TGIF1: variants seen among roughly 807,000 people sequenced by gnomAD.
TGIF1 encodes homeobox protein TGIF1.
TGIF1 carries 4 observed loss-of-function variants against 19.3 expected under a neutral mutation model. The observed-to-expected ratio is 0.21, with a 90% CI of 0.10 to 0.47. TGIF1 has a LOEUF of 0.47. TGIF1 is among the 20% of genes least tolerant of loss of function. The pLI, the probability that TGIF1 is intolerant of heterozygous loss-of-function variation, is 0.98. For synonymous variants in TGIF1, 122 were observed against 129.3 expected, an observed-to-expected ratio of 0.94 and a Z score of 0.38; for missense variants, 275 against 341.4, an observed-to-expected ratio of 0.81 and a Z score of 1.53.
intron 2 of TGIF1, among the ~76,000 whole-genome samples, chr18:3,443,185 T>A (rs1771553103): frequency 6.6e-6 from 1 of 152,216 alleles, no homozygotes; most frequent in African/African-American, 2.4e-5. Context: ...CTGATGCGCG[T>A]ATTCTATCAG....
intron 1 of TGIF1, chr18:3,418,133 T>C (rs2082356697): frequency 6.6e-6 from 1 of 152,212 alleles, no homozygotes. Flanking sequence ...TTTGTGCTGC[T>C]GTTATCTAGG....
upstream of TGIF1, chr18:3,447,501 T>A (rs1251528497): frequency 4.9e-6 from 3 of 610,032 alleles, no homozygotes; most frequent in South Asian, 3.8e-5. Context: ...ATTGCTGGTA[T>A]CTGAAGCCCA....
At chr18:3,448,712 GGT>G (rs2082800052), upstream of TGIF1, 1 of 744,380 alleles carries the variant, frequency 1.3e-6, no homozygotes, top group South Asian at 6.0e-5. Context: ...TAGGGGCGGG[GGT>G]GTCTTTTTTT....
Position 3,451,383 on chromosome 18 carries a change from G to A in TGIF1, c.16+878G>A. The A allele has an allele frequency of 1.0e-6, 1 of 981,050 alleles. No individual in the cohort carries two copies. Among genetic ancestry groups the A allele is most frequent in the Non-Finnish European group, 1.2e-6 (1 of 829,602 alleles). 60.8% of individuals were successfully genotyped at this position (981,050 alleles called of 1,614,324 possible). Reference sequence around the variant, plus strand: ...GTGGAGAAACCACACAAAACACCCCGAAAGGTCAGAGTGTGAAGTCCCTTT... The same window carrying A: ...GTGGAGAAACCACACAAAACACCCCAAAAGGTCAGAGTGTGAAGTCCCTTT... On this transcript the variant is annotated intron_variant, in intron 1 of 2. Transcript: ENST00000343820. The surrounding 1 kb of genome is among the most constrained non-coding windows in gnomAD (Gnocchi z 5.4).
At position 3,459,408 on chromosome 18, in the gene TGIF1, A is replaced by G. The variant is rs2049456315; in HGVS notation, c.*1468A>G. 6.6e-6 allele frequency: 1 copy of G among 152,230 alleles called. No individual in the cohort carries two copies. Among genetic ancestry groups the G allele is most frequent in the South Asian group, 2.1e-4 (1 of 4,832 alleles). The allele number at this position is 152,230 out of a possible 1,614,324, so 9.4% of individuals were successfully genotyped here. ...CCAAGAGGCGTAAGAAAATTAGGTG[A>G]GGGAATGTTGTGCTCTAGCCTGTGG... On this transcript the variant is annotated 3_prime_UTR_variant, in exon 3 of 3. Transcript: ENST00000343820.
Position 3,459,255 on chromosome 18 carries a change from T to C in TGIF1, c.*1315T>C, listed in dbSNP as rs2049452942. On this transcript the variant is annotated 3_prime_UTR_variant, in exon 3 of 3. Transcript: ENST00000343820. ...GTGAGGGAGCATCAGAGCTTCAGTA[T>C]TGTTTAAAGAATGTAGAAAAATACA... 2.0e-5 allele frequency: 3 copies of C among 152,364 alleles called. No homozygotes were observed. The highest frequency in any genetic ancestry group is 3.9e-4 in the East Asian group (2 of 5,186). The allele number at this position is 152,364 out of a possible 1,614,324, so 9.4% of individuals were successfully genotyped here.
chr18:3,412,659 C>T (rs560869852), intron 1 of TGIF1, among the ~76,000 whole-genome samples: 25 of 152,280 alleles, frequency 1.6e-4, no homozygotes, highest in Non-Finnish European at 2.8e-4. Context: ...ATTAAGTGGG[C>T]CCCCAGGACC....
intron 2 of TGIF1, among the ~76,000 whole-genome samples, chr18:3,427,759 C>T (rs1471453505): frequency 6.6e-6 from 1 of 152,072 alleles, no homozygotes; most frequent in Non-Finnish European, 1.5e-5. Flanking sequence ...GCCACCACAC[C>T]TGGCTAATTT....
chr18:3,426,823 A>C (rs1313871125), intron 2 of TGIF1, among the ~76,000 whole-genome samples: 1 of 152,184 alleles, frequency 6.6e-6, no homozygotes, highest in Admixed American at 6.5e-5. Flanking sequence ...TTAGAATTGC[A>C]GTCCAAATGC....
exon 1 of TGIF1, chr18:3,412,065 T>C: frequency 6.1e-6 from 1 of 163,826 alleles, no homozygotes; most frequent in Non-Finnish European, 1.4e-5. Flanking sequence ...GTGATTTGCC[T>C]CAGCGGGGCA....
intron 1 of TGIF1, chr18:3,453,711 A>G (rs976343118): frequency 5.0e-6 from 3 of 602,090 alleles, no homozygotes; most frequent in Non-Finnish European, 6.2e-6. Flanking sequence ...AAAAAAAAGA[A>G]CGTGCAGGAA....
intron 1 of TGIF1, chr18:3,418,005 T>C (rs1293643484): frequency 6.6e-6 from 1 of 151,508 alleles, no homozygotes; most frequent in African/African-American, 2.4e-5. Flanking sequence ...ACAAAAAATA[T>C]AGGGCTTACA....
upstream of TGIF1, chr18:3,447,568 A>G (rs969055284): frequency 1.8e-4 from 136 of 771,176 alleles, no homozygotes; most frequent in Non-Finnish European, 6.4e-5. Flanking sequence ...CTTTCTTCCC[A>G]GAATGCACCA....
At chr18:3,448,357 GC>G (rs1332741299), upstream of TGIF1, 33 of 1,005,150 alleles carry the variant, frequency 3.3e-5, no homozygotes, top group African/African-American at 8.7e-5. Flanking sequence ...TAGCGAGGCG[GC>G]CCCCTCTAAC....
intron 2 of TGIF1, among the ~76,000 whole-genome samples, chr18:3,421,733 T>C (rs2082400753): frequency 7.0e-6 from 1 of 143,796 alleles, no homozygotes; most frequent in African/African-American, 2.5e-5. Context: ...TTAATTGTTA[T>C]TTTAGAGTGT....
intron 2 of TGIF1, among the ~76,000 whole-genome samples, chr18:3,421,992 G>A (rs1240489910): frequency 2.0e-5 from 3 of 151,834 alleles, no homozygotes; most frequent in Non-Finnish European, 4.4e-5. Flanking sequence ...TCAGGAGTTC[G>A]AGACTAGCCT....
intron 2 of TGIF1, among the ~76,000 whole-genome samples, chr18:3,427,064 C>T (rs2082480248): frequency 6.6e-6 from 1 of 152,054 alleles, no homozygotes; most frequent in Non-Finnish European, 1.5e-5. Context: ...CTGCCTCAGC[C>T]TCCCAAATAG....
At chr18:3,438,995 C>A (rs1053523264) in intron 2 of TGIF1, among the ~76,000 whole-genome samples, 1 of 152,130 alleles carries the variant, frequency 6.6e-6, no homozygotes, top group Admixed American at 6.6e-5. Context: ...AATTCTGGGA[C>A]TACTTGGCCC....
intron 2 of TGIF1, among the ~76,000 whole-genome samples, chr18:3,423,600 G>T (rs1359966607): frequency 6.6e-6 from 1 of 152,082 alleles, no homozygotes; most frequent in Non-Finnish European, 1.5e-5. Flanking sequence ...GGAGAATGTC[G>T]TGAACCCAGG....
Sources: gnomAD v4.1 joint callset for allele counts (sites outside exome capture counted in the v4.1 genomes callset) on GRCh38, gnomAD v4.1.1 for gene constraint, Gnocchi (gnomAD v3.1) non-coding constraint, MANE v1.5 for transcripts, NCBI Gene and HGNC (gene_info 2026-07-23, HGNC 2026-07-21) for gene names.